Variants in KCNMB2 observed in about 807,000 individuals in gnomAD.
KCNMB2 encodes the protein calcium-activated potassium channel subunit beta-2.
In KCNMB2, 9 loss-of-function variants were observed where a neutral mutation model predicts 24.5. That is an observed-to-expected ratio of 0.37 (90% CI 0.22 to 0.64). KCNMB2 has a LOEUF of 0.64. Among genes scored for constraint, KCNMB2 ranks in the 30% least tolerant of loss-of-function variants. KCNMB2 has a pLI of 0.63. For synonymous variants in KCNMB2, 109 were observed against 104.4 expected (o/e 1.04, Z -0.27); for missense variants, 226 against 284.3 (o/e 0.79, Z 1.47).
At chr3:178,749,774 AG>A (rs1476622126) in intron 1 of KCNMB2, among the ~76,000 whole-genome samples, 1 of 152,236 alleles carries the variant, frequency 6.6e-6, no homozygotes, top group Non-Finnish European at 1.5e-5. Context: ...AGTGTTAGCA[AG>A]GGGTAAATGG....
chr3:178,631,539 G>A (rs866058023), intron 1 of KCNMB2, among the ~76,000 whole-genome samples: 2 of 152,194 alleles, frequency 1.3e-5, no homozygotes, highest in South Asian at 4.1e-4. Context: ...AATAACACAT[G>A]GTGAACACTG....
intron 1 of KCNMB2, among the ~76,000 whole-genome samples, chr3:178,690,745 G>A (rs1721641020): frequency 6.6e-6 from 1 of 152,140 alleles, no homozygotes; most frequent in Non-Finnish European, 1.5e-5. Context: ...GTCAGATTCA[G>A]CACTATGGAT....
chr3:178,822,337 T>C, intron 2 of KCNMB2, among the ~76,000 whole-genome samples: 1 of 152,204 alleles, frequency 6.6e-6, no homozygotes, highest in Non-Finnish European at 1.5e-5. Flanking sequence ...TTCCCTAAAT[T>C]CAACCCTGGC....
At chr3:178,599,691 G>T (rs578128965) in intron 1 of KCNMB2, among the ~76,000 whole-genome samples, 5 of 151,848 alleles carry the variant, frequency 3.3e-5, no homozygotes, top group Non-Finnish European at 5.9e-5. Flanking sequence ...TCACATTGTC[G>T]TGCAACTAAT....
At chr3:178,647,373 G>A (rs533242238) in intron 1 of KCNMB2, among the ~76,000 whole-genome samples, 23 of 152,042 alleles carry the variant, frequency 1.5e-4, no homozygotes, top group African/African-American at 4.6e-4. Flanking sequence ...ATTTGCAGAC[G>A]AAAATAAATG....
intron 2 of KCNMB2, chr3:178,820,669 A>G (rs910142887): frequency 3.3e-5 from 5 of 152,662 alleles, no homozygotes; most frequent in African/African-American, 1.2e-4. Flanking sequence ...AAACTTCAAG[A>G]AACTACATAA....
rs1369784771 is a variant in KCNMB2 at position 178,562,339 on chromosome 3, AC to A, written c.-68+25629del. Among the ~76,000 whole-genome samples, 134 of 152,336 alleles carry A rather than the reference AC, an allele frequency of 8.8e-4. 1 individual carries two copies. Among genetic ancestry groups the A allele is most frequent in the Non-Finnish European group, 8.8e-5 (6 of 68,026 alleles). ...GACAAGTGTGACCACTAGGTTTGGC[AC>A]AGCTGGGCCAAGACTGCGTAATTAA... On this transcript the variant is annotated intron_variant, in intron 1 of 4. Transcript: ENST00000452583.
intron 1 of KCNMB2, among the ~76,000 whole-genome samples, chr3:178,552,383 C>G (rs925044503): frequency 5.3e-5 from 8 of 151,644 alleles, no homozygotes; most frequent in East Asian, 3.9e-4. Flanking sequence ...GAATTAAACC[C>G]CCCCCCAAAA....
At chr3:178,630,106 T>C (rs965674691) in intron 1 of KCNMB2, among the ~76,000 whole-genome samples, 6 of 152,190 alleles carry the variant, frequency 3.9e-5, no homozygotes, top group African/African-American at 7.2e-5. Context: ...TTTACTTCCA[T>C]GTATAAATGA....
At chr3:178,829,501 G>A (rs746611082) in intron 4 of KCNMB2, among the ~76,000 whole-genome samples, 1 of 152,154 alleles carries the variant, frequency 6.6e-6, no homozygotes, top group African/African-American at 2.4e-5. Context: ...AGAGAATGTT[G>A]TTTGAAAATG....
intron 1 of KCNMB2, among the ~76,000 whole-genome samples, chr3:178,553,071 A>G (rs1432690167): frequency 6.6e-6 from 1 of 152,230 alleles, no homozygotes; most frequent in Non-Finnish European, 1.5e-5. Flanking sequence ...CTGCAGTGAT[A>G]TTGCATTCAT....
intron 1 of KCNMB2, among the ~76,000 whole-genome samples, chr3:178,618,792 A>G (rs961096359): frequency 2.6e-5 from 4 of 152,216 alleles, no homozygotes; most frequent in Admixed American, 2.6e-4. Context: ...AGAATTTAAA[A>G]AGTAATGTGA....
chr3:178,778,468 A>ACGTGCGCGCGCGCGCGCGCGCG (rs1560017837), intron 1 of KCNMB2, among the ~76,000 whole-genome samples: 2 of 64,998 alleles, frequency 3.1e-5, no homozygotes, highest in East Asian at 3.1e-4. Context: ...ACACACACAC[A>ACGTGCGCGCGCGCGCGCGCGCG]CACACACACA....
At chr3:178,569,990 T>G (rs1716712179) in intron 1 of KCNMB2, among the ~76,000 whole-genome samples, 1 of 152,220 alleles carries the variant, frequency 6.6e-6, no homozygotes, top group African/African-American at 2.4e-5. Flanking sequence ...ATTGCAATAT[T>G]ATTTCTCTAC....
intron 1 of KCNMB2, among the ~76,000 whole-genome samples, chr3:178,747,350 C>T (rs1281772051): frequency 1.3e-5 from 2 of 152,214 alleles, no homozygotes; most frequent in Non-Finnish European, 2.9e-5. Flanking sequence ...TTACCTCCCA[C>T]TGGGTCCCTC....
intron 1 of KCNMB2, among the ~76,000 whole-genome samples, chr3:178,589,924 C>T (rs537894638): frequency 6.6e-6 from 1 of 152,166 alleles, no homozygotes; most frequent in Non-Finnish European, 1.5e-5. Flanking sequence ...CTTTTGCAAT[C>T]CCCTAAAGAA....
At chr3:178,765,632 C>T (rs898667501) in intron 1 of KCNMB2, among the ~76,000 whole-genome samples, 8 of 75,986 alleles carry the variant, frequency 1.1e-4, no homozygotes, top group East Asian at 3.3e-4. Context: ...TGTGTGTGCA[C>T]GCGCGTGTGC....
At chr3:178,783,799 A>C (rs990616220) in intron 1 of KCNMB2, among the ~76,000 whole-genome samples, 2 of 152,080 alleles carry the variant, frequency 1.3e-5, no homozygotes, top group African/African-American at 4.8e-5. Flanking sequence ...TCTCCTGCCT[A>C]ATTGCCCTGG....
chr3:178,735,501 A>G (rs1425491583), intron 1 of KCNMB2, among the ~76,000 whole-genome samples: 1 of 152,242 alleles, frequency 6.6e-6, no homozygotes, highest in Non-Finnish European at 1.5e-5. Flanking sequence ...AGGGGTTGAG[A>G]GCCCAGTTTT....
Sources: allele counts gnomAD v4.1 joint callset (sites outside exome capture counted in the v4.1 genomes callset), GRCh38; gene constraint gnomAD v4.1.1; transcripts MANE v1.5; gene names NCBI Gene and HGNC (gene_info 2026-07-23, HGNC 2026-07-21).